The following STRN variants were observed in gnomAD, a reference collection of about 807,000 sequenced individuals.
The protein encoded by STRN is striatin, also known as protein phosphatase 2 regulatory subunit B'''alpha.
STRN carries 53 observed loss-of-function variants against 96.3 expected under a neutral mutation model. The ratio of observed to expected loss-of-function variants is 0.55; its 90% CI spans 0.44 to 0.69. The LOEUF (loss-of-function observed/expected upper bound fraction) is 0.69, where lower values mean the gene tolerates loss of function less well. Ranked by LOEUF, STRN falls within the 30% of genes least tolerant of loss-of-function variation. The probability of loss-of-function intolerance (pLI) is 0.00; values close to 1 mark genes in which losing one functional copy is unlikely to be tolerated. For synonymous variants in STRN, 428 were observed against 355.9 expected, an observed-to-expected ratio of 1.20 and a Z score of -2.28; for missense variants, 987 against 963.9, an observed-to-expected ratio of 1.02 and a Z score of -0.32.
chr2:36,902,798 T>C (rs1282536779), intron 4 of STRN, 47 bp from the exon 5 acceptor site: 2 of 1,447,724 alleles, frequency 1.4e-6, no homozygotes, highest in South Asian at 1.4e-5. Context: ...GAATCAGTAT[T>C]CTATAATTTA....
intron 12 of STRN, among the ~76,000 whole-genome samples, chr2:36,864,929 G>T (rs1668583827): frequency 6.6e-6 from 1 of 152,114 alleles, no homozygotes; most frequent in South Asian, 2.1e-4. Flanking sequence ...TGGCCAGGCT[G>T]GTCTCGAACT....
At chr2:36,913,407 C>T (rs1238146814) in intron 3 of STRN, among the ~76,000 whole-genome samples, 1 of 152,164 alleles carries the variant, frequency 6.6e-6, no homozygotes, top group African/African-American at 2.4e-5. Context: ...TGCTAATACT[C>T]TGCCTTTCTC....
At chr2:36,926,388 A>ACGTC (rs1382144726) in intron 1 of STRN, among the ~76,000 whole-genome samples, 3 of 152,184 alleles carry the variant, frequency 2.0e-5, no homozygotes, top group Non-Finnish European at 4.4e-5. Flanking sequence ...ATGTACCACC[A>ACGTC]CGTCCGTCTA....
chr2:36,942,484 A>C (rs1670869926), intron 1 of STRN, among the ~76,000 whole-genome samples: 2 of 152,094 alleles, frequency 1.3e-5, no homozygotes, highest in Non-Finnish European at 2.9e-5. Context: ...CCCTATTACA[A>C]AATCATTTGC....
At position 36,839,532 on chromosome 2, in the gene STRN, T is replaced by C. The variant is rs947340713; in HGVS notation, c.*9924A>G. Among the ~76,000 whole-genome samples, 1 of 152,204 alleles carries C rather than the reference T, an allele frequency of 6.6e-6. No homozygotes were observed. The highest frequency in any genetic ancestry group is 2.4e-5 in the African/African-American group (1 of 41,452). On this transcript the variant is annotated 3_prime_UTR_variant, in exon 18 of 18. Transcript: ENST00000263918. Reference sequence around the variant, plus strand: ...AGTGAACAAGTCATTTGCTGGATGCTTATTTTATTAGGTGTTTTACATCCG... The same window carrying C: ...AGTGAACAAGTCATTTGCTGGATGCCTATTTTATTAGGTGTTTTACATCCG...
At chr2:36,917,090 T>C (rs1234475692) in intron 2 of STRN, among the ~76,000 whole-genome samples, 1 of 141,688 alleles carries the variant, frequency 7.1e-6, no homozygotes, top group Non-Finnish European at 1.5e-5. Flanking sequence ...GACTGGGACA[T>C]TAATATAAAC....
At chr2:36,915,972 C>G (rs1241055637) in intron 3 of STRN, 106 bp downstream of exon 3, 2 of 995,282 alleles carry the variant, frequency 2.0e-6, no homozygotes, top group African/African-American at 1.6e-5. Context: ...GAAAAAATAA[C>G]TAATACACAA....
intron 7 of STRN, among the ~76,000 whole-genome samples, chr2:36,891,081 C>T (rs1024300997): frequency 6.6e-6 from 1 of 152,218 alleles, no homozygotes; most frequent in Non-Finnish European, 1.5e-5. Context: ...ATCCAAAATG[C>T]TCCAATGCGT....
chr2:36,888,723 C>T (rs964832442), intron 7 of STRN, among the ~76,000 whole-genome samples: 2 of 151,564 alleles, frequency 1.3e-5, no homozygotes, highest in Non-Finnish European at 2.9e-5. Context: ...TTCTATCAAA[C>T]CAGCTGGGGT....
intron 1 of STRN, among the ~76,000 whole-genome samples, chr2:36,934,199 A>T (rs1558659536): frequency 6.6e-6 from 1 of 152,248 alleles, no homozygotes; most frequent in Non-Finnish European, 1.5e-5. Flanking sequence ...AGAAAATGGC[A>T]GCTCTTAACC....
chr2:36,907,234 T>C (rs950846230), intron 3 of STRN, among the ~76,000 whole-genome samples: 3 of 151,994 alleles, frequency 2.0e-5, no homozygotes, highest in Admixed American at 6.6e-5. Context: ...ACTGGAAAAA[T>C]TTATTTGGTG....
chr2:36,908,666 C>G (rs1669884863), intron 3 of STRN, among the ~76,000 whole-genome samples: 1 of 152,092 alleles, frequency 6.6e-6, no homozygotes, highest in African/African-American at 2.4e-5. Flanking sequence ...TAAAATCTGA[C>G]CCTCTAAGTA....
intron 12 of STRN, 122 bp from the exon 13 acceptor site, chr2:36,861,375 G>A: frequency 2.4e-6 from 3 of 1,244,154 alleles, no homozygotes; most frequent in Non-Finnish European, 3.3e-6. Context: ...TATAAAAAAT[G>A]AAAACACAGG....
intron 1 of STRN, among the ~76,000 whole-genome samples, chr2:36,929,571 G>A (rs555839372): frequency 7.2e-5 from 11 of 152,192 alleles, no homozygotes; most frequent in Admixed American, 2.0e-4. Context: ...TTTTAGTAGA[G>A]ACAGGGTTTT....
At position 36,842,718 on chromosome 2, in the gene STRN, G is replaced by A. The variant is rs1410072742; in HGVS notation, c.*6738C>T. Among the ~76,000 whole-genome samples the A allele has an allele frequency of 6.6e-6, 1 of 151,942 alleles. No homozygotes were observed. Among genetic ancestry groups the A allele is most frequent in the East Asian group, 1.9e-4 (1 of 5,198 alleles). On this transcript the variant is annotated 3_prime_UTR_variant, in exon 18 of 18. Transcript: ENST00000263918. ...GATACTTAGAAGCGAGTCATTTTAT[G>A]TTTGGTGGGTTTTGAATCATTTGAT...
intron 14 of STRN, among the ~76,000 whole-genome samples, chr2:36,857,239 T>C (rs931710464): frequency 4.6e-5 from 7 of 152,046 alleles, no homozygotes; most frequent in South Asian, 2.1e-4. Context: ...TATGTCTTGA[T>C]TGATGTATGA....
At chr2:36,864,871 C>G (rs571014329) in intron 12 of STRN, among the ~76,000 whole-genome samples, 1 of 152,280 alleles carries the variant, frequency 6.6e-6, no homozygotes, top group African/African-American at 2.4e-5. Flanking sequence ...TGCCACCACG[C>G]CCAGCTAATT....
intron 13 of STRN, among the ~76,000 whole-genome samples, chr2:36,859,052 A>G (rs1668416565): frequency 6.6e-6 from 1 of 152,190 alleles, no homozygotes; most frequent in African/African-American, 2.4e-5. Flanking sequence ...GTAAATGTAT[A>G]AGCAATTCAG....
chr2:36,918,483 T>C (rs1316603378), intron 2 of STRN, among the ~76,000 whole-genome samples: 1 of 151,892 alleles, frequency 6.6e-6, no homozygotes, highest in Non-Finnish European at 1.5e-5. Flanking sequence ...AGAAAAACAT[T>C]TTCAAACACA....
Sources: gnomAD v4.1 joint callset for allele counts (sites outside exome capture counted in the v4.1 genomes callset) on GRCh38, gnomAD v4.1.1 for gene constraint, MANE v1.5 for transcripts, NCBI Gene and HGNC (gene_info 2026-07-23, HGNC 2026-07-21) for gene names.